The following ST3GAL1 variants were observed in gnomAD, a reference collection of about 807,000 sequenced individuals.
ST3GAL1 encodes the protein ST3 beta-galactoside alpha-2,3-sialyltransferase 1.
ST3GAL1 carries 16 observed loss-of-function variants against 34.1 expected under a neutral mutation model. The ratio of observed to expected loss-of-function variants is 0.47; its 90% CI spans 0.32 to 0.71. The LOEUF is 0.71. ST3GAL1 is among the 30% of genes least tolerant of loss of function. ST3GAL1 has a pLI of 0.04. For missense variants in ST3GAL1, 353 were observed against 447.4 expected (o/e 0.79, Z 1.90); for synonymous variants, 191 against 184.7 (o/e 1.03, Z -0.28).
chr8:133,478,838 ACT>A (rs1816277039), intron 3 of ST3GAL1, among the ~76,000 whole-genome samples: 1 of 152,108 alleles, frequency 6.6e-6, no homozygotes, highest in Admixed American at 6.5e-5. Context: ...GAGGATGGAA[ACT>A]CAGCCTCACT....
intron 3 of ST3GAL1, among the ~76,000 whole-genome samples, chr8:133,477,859 A>AT (rs1193508582): frequency 1.3e-5 from 2 of 151,732 alleles, no homozygotes; most frequent in Admixed American, 6.6e-5. Flanking sequence ...AGCAGGGTAT[A>AT]TTTTTTTCCA....
chr8:133,516,332 C>T (rs919250528), intron 2 of ST3GAL1: 8 of 152,370 alleles, frequency 5.3e-5, no homozygotes, highest in Middle Eastern at 3.4e-3. Flanking sequence ...GAGGTCCTCA[C>T]AAAAAGCAGA....
At chr8:133,494,333 T>A (rs888279368) in intron 3 of ST3GAL1, among the ~76,000 whole-genome samples, 1 of 152,192 alleles carries the variant, frequency 6.6e-6, no homozygotes, top group South Asian at 2.1e-4. Flanking sequence ...TCTGAAAGTA[T>A]GGACTGAGTT....
At chr8:133,548,197 T>C (rs1291793095) in intron 1 of ST3GAL1, among the ~76,000 whole-genome samples, 1 of 152,200 alleles carries the variant, frequency 6.6e-6, no homozygotes, top group African/African-American at 2.4e-5. Context: ...CACAGCCTCC[T>C]AGCCAGTCTT....
chr8:133,494,135 C>T (rs556135432), intron 3 of ST3GAL1, among the ~76,000 whole-genome samples: 1 of 152,308 alleles, frequency 6.6e-6, no homozygotes, highest in South Asian at 2.1e-4. Flanking sequence ...CTTATTAACG[C>T]AGAGAATAAG....
chr8:133,529,083 A>C (rs971916647), intron 2 of ST3GAL1, among the ~76,000 whole-genome samples: 1 of 152,248 alleles, frequency 6.6e-6, no homozygotes, highest in Non-Finnish European at 1.5e-5. Flanking sequence ...GTGACCGAGC[A>C]GAGCATACAC....
intron 1 of ST3GAL1, among the ~76,000 whole-genome samples, chr8:133,557,758 G>A (rs181773671): frequency 2.0e-5 from 3 of 152,280 alleles, no homozygotes; most frequent in Non-Finnish European, 4.4e-5. Context: ...TGAGGCGGAA[G>A]AATTGCTTGA....
intron 1 of ST3GAL1, among the ~76,000 whole-genome samples, chr8:133,561,565 C>G (rs528882907): frequency 1.3e-5 from 2 of 152,162 alleles, no homozygotes; most frequent in South Asian, 4.2e-4. Flanking sequence ...TGTTATGTTA[C>G]GTTATATTGT....
At position 133,532,417 on chromosome 8, in the gene ST3GAL1, A is replaced by G. The variant is rs1275530968; in HGVS notation, c.-429+13357T>C. 2.6e-5 allele frequency among the ~76,000 whole-genome samples: 4 copies of G among 152,020 alleles called. No individual in the cohort carries two copies. The East Asian group carries it at 7.7e-4, about 29-fold the overall frequency. On this transcript the variant is annotated intron_variant, in intron 2 of 9. Transcript: ENST00000522652. ...GGAGGTTGCAGTGAGCCGAGATTGC[A>G]CCACTGCACTCCAGCCTGGGTAACA...
chr8:133,497,558 T>C (rs12156094), intron 3 of ST3GAL1, among the ~76,000 whole-genome samples: 2 of 141,574 alleles, frequency 1.4e-5, no homozygotes, highest in African/African-American at 2.6e-5. Context: ...GCAACCTCCG[T>C]GCCTCCTGGG....
intron 3 of ST3GAL1, among the ~76,000 whole-genome samples, chr8:133,496,547 T>A (rs937868235): frequency 1.2e-4 from 18 of 152,212 alleles, no homozygotes; most frequent in Non-Finnish European, 4.4e-5. Context: ...AACACACAGA[T>A]GACCACACCT....
At chr8:133,525,703 G>A (rs1002841621) in intron 2 of ST3GAL1, among the ~76,000 whole-genome samples, 2 of 152,130 alleles carry the variant, frequency 1.3e-5, no homozygotes, top group African/African-American at 4.8e-5. Flanking sequence ...GTCTGGAGGG[G>A]GCCAAGATGA....
rs1586627881 is a variant in ST3GAL1, at chr8:133,508,021, C to G, written c.-428-8832G>C. On this transcript the variant is annotated intron_variant, in intron 2 of 9. Transcript: ENST00000522652. This position sits in a 1 kb window ranked among gnomAD's most constrained non-coding sequence, Gnocchi z 4.1. ...GGGAGGTGCCCACCCTCTCACCCCCCACACCCTAGGCAGCCCACAGACAAT... is the reference window on the plus strand; with the variant it reads ...GGGAGGTGCCCACCCTCTCACCCCCGACACCCTAGGCAGCCCACAGACAAT... Among the ~76,000 whole-genome samples, 1 of 152,224 alleles carries G rather than the reference C, an allele frequency of 6.6e-6. No homozygotes were observed. Among genetic ancestry groups the G allele is most frequent in the Non-Finnish European group, 1.5e-5 (1 of 68,042 alleles).
intron 2 of ST3GAL1, among the ~76,000 whole-genome samples, chr8:133,529,882 G>A (rs1489220498): frequency 6.6e-6 from 1 of 152,114 alleles, no homozygotes; most frequent in Non-Finnish European, 1.5e-5. Context: ...TCTCTTCTCA[G>A]TGTTGCTGAC....
chr8:133,522,295 A>G (rs1817836084), intron 2 of ST3GAL1, among the ~76,000 whole-genome samples: 1 of 152,226 alleles, frequency 6.6e-6, no homozygotes, highest in Non-Finnish European at 1.5e-5. Flanking sequence ...TCTAAAAAAA[A>G]TTGCAAATGG....
At chr8:133,545,507 C>T (rs1274171172) in intron 2 of ST3GAL1, among the ~76,000 whole-genome samples, 1 of 152,180 alleles carries the variant, frequency 6.6e-6, no homozygotes, top group Non-Finnish European at 1.5e-5. Flanking sequence ...TACCAGTGTT[C>T]ATGAGAGCTC....
intron 1 of ST3GAL1, among the ~76,000 whole-genome samples, chr8:133,552,312 C>T (rs958807897): frequency 5.9e-5 from 9 of 152,182 alleles, no homozygotes; most frequent in Admixed American, 4.6e-4. Flanking sequence ...CAGATCAGTT[C>T]GCAAATGGGA....
At chr8:133,462,069 T>C in intron 8 of ST3GAL1, 75 bp from the exon 9 acceptor site, 1 of 1,599,664 alleles carries the variant, frequency 6.3e-7, no homozygotes, top group Admixed American at 1.7e-5. Context: ...CAGATGTACA[T>C]ACTGTTGTGG....
chr8:133,543,012 T>C (rs576636034), intron 2 of ST3GAL1, among the ~76,000 whole-genome samples: 24 of 152,306 alleles, frequency 1.6e-4, no homozygotes, highest in African/African-American at 4.8e-4. Context: ...CCCCATGAGA[T>C]GCTTATTAAT....
Sources: allele counts gnomAD v4.1 joint callset (sites outside exome capture counted in the v4.1 genomes callset), GRCh38; gene constraint gnomAD v4.1.1; non-coding constraint Gnocchi (gnomAD v3.1); transcripts MANE v1.5; gene names NCBI Gene and HGNC (gene_info 2026-07-23, HGNC 2026-07-21).